RSPRY1: variants seen among roughly 807,000 people sequenced by gnomAD.
The protein encoded by RSPRY1 is ring finger and SPRY domain containing 1.
A neutral mutation model predicts 73.1 loss-of-function variants in RSPRY1; 23 were observed. The observed-to-expected ratio is 0.31, with a 90% CI of 0.23 to 0.45. The LOEUF (loss-of-function observed/expected upper bound fraction) is 0.45. RSPRY1 is among the 20% of genes least tolerant of loss of function. The probability of loss-of-function intolerance (pLI) is 1.00; values close to 1 mark genes in which losing one functional copy is unlikely to be tolerated. For synonymous variants in RSPRY1, 226 were observed against 251.4 expected (o/e 0.90, Z 0.95); for missense variants, 448 against 698.7 (o/e 0.64, Z 4.05).
At chr16:57,238,754 AC>A (rs1485579350) in intron 14 of RSPRY1, 124 bp from the exon 15 acceptor site, 19 of 535,856 alleles carry the variant, frequency 3.5e-5, no homozygotes, top group African/African-American at 2.7e-4. Context: ...TTTTTTTTAA[AC>A]CATGTATAAT....
intron 2 of RSPRY1, chr16:57,207,601 T>C (rs1159257450): frequency 2.2e-6 from 1 of 456,236 alleles, no homozygotes; most frequent in Admixed American, 2.3e-5. Flanking sequence ...AGAAGAAAAC[T>C]TCAAAATGAA....
At chr16:57,209,051 A>C in intron 3 of RSPRY1, 24 bp from the exon 4 acceptor site, 1 of 1,458,274 alleles carries the variant, frequency 6.9e-7, no homozygotes, top group Non-Finnish European at 9.6e-7. Context: ...ACTCCATCAT[A>C]TAATCTTCTT....
At chr16:57,230,857 A>G in intron 12 of RSPRY1, 44 bp downstream of exon 12, 1 of 1,117,420 alleles carries the variant, frequency 8.9e-7, no homozygotes, top group Non-Finnish European at 1.4e-6. Context: ...GATGCACGGA[A>G]TGCCCTTTTC....
intron 1 of RSPRY1, among the ~76,000 whole-genome samples, chr16:57,201,229 T>C (rs1458065727): frequency 4.6e-5 from 7 of 151,496 alleles, no homozygotes; most frequent in Non-Finnish European, 8.8e-5. Context: ...GAGGGGCTCC[T>C]CACTTCTCAG....
Position 57,208,044 on chromosome 16 carries a change from A to ATT in RSPRY1, c.351-6_351-5dup. The ATT allele has an allele frequency of 2.6e-6, 4 of 1,529,202 alleles. No individual in the cohort carries two copies. Among genetic ancestry groups the ATT allele is most frequent in the Non-Finnish European group, 3.6e-6 (4 of 1,120,086 alleles). 94.7% of individuals were successfully genotyped at this position (1,529,202 alleles called of 1,614,324 possible). On this transcript the variant is annotated splice_polypyrimidine_tract_variant and intron_variant, in intron 2 of 14. Transcript: ENST00000394420. The stretch of plus-strand genomic sequence containing the variant: ...TATTTCCTCAGGTTTAATGCCTTGA[A>ATT]TTTTTTTTTCCAGTGATCAGGAACC...
intron 1 of RSPRY1, among the ~76,000 whole-genome samples, chr16:57,195,317 G>T (rs757052336): frequency 1.8e-4 from 27 of 152,074 alleles, no homozygotes; most frequent in Non-Finnish European, 2.8e-4. Flanking sequence ...TTCAAGACCA[G>T]CCTGGTGAAC....
At chr16:57,222,940 CTT>C (rs1424762579) in intron 10 of RSPRY1, among the ~76,000 whole-genome samples, 1 of 152,118 alleles carries the variant, frequency 6.6e-6, no homozygotes, top group Non-Finnish European at 1.5e-5. Flanking sequence ...GAAATTATAA[CTT>C]TTGCCATGTA....
upstream of RSPRY1, chr16:57,186,246 G>C (rs559434380): frequency 7.9e-6 from 7 of 886,770 alleles, no homozygotes; most frequent in Non-Finnish European, 9.5e-6. Flanking sequence ...GTGATTGGCT[G>C]TCAAGGAGAG....
At chr16:57,213,988 A>G in intron 6 of RSPRY1, 42 bp downstream of exon 6, 1 of 1,321,304 alleles carries the variant, frequency 7.6e-7, no homozygotes, top group Non-Finnish European at 1.1e-6. Flanking sequence ...GTCATCTAGA[A>G]GTGGGCATCA....
At chr16:57,213,808 C>A in intron 5 of RSPRY1, 80 bp from the exon 6 acceptor site, 2 of 1,067,020 alleles carry the variant, frequency 1.9e-6, no homozygotes, top group Non-Finnish European at 2.9e-6. Flanking sequence ...AAGAGTTCTA[C>A]CAAAACAATT....
At position 57,208,075 on chromosome 16, in the gene RSPRY1, A is replaced by T. The variant is rs139606229; in HGVS notation, c.368A>T (p.Tyr123Phe). ...TLVDNDQEPP[Y>F]SMITLHEMAE... ...TTTTCCAGTGATCAGGAACCTCCCTATTCAATGATAACATTACACGAAATG... is the reference window on the plus strand; with the variant it reads ...TTTTCCAGTGATCAGGAACCTCCCTTTTCAATGATAACATTACACGAAATG... Residue 123 changes from tyrosine to phenylalanine, a missense_variant, in exon 3 of 15, where the codon TAT becomes TTT. Coordinates refer to ENST00000394420, the MANE Select transcript of RSPRY1 (RefSeq NM_133368.3). 1.6e-5 allele frequency: 26 copies of T among 1,594,782 alleles called. No individual in the cohort carries two copies. The East Asian group carries it at 5.6e-4, about 34-fold the overall frequency.
chr16:57,203,772 T>G (rs1218363828), intron 1 of RSPRY1, among the ~76,000 whole-genome samples: 1 of 152,258 alleles, frequency 6.6e-6, no homozygotes, highest in Non-Finnish European at 1.5e-5. Context: ...CAGGCAAAGA[T>G]AAATTGGTGC....
At chr16:57,238,138 G>A (rs151279718) in intron 14 of RSPRY1, among the ~76,000 whole-genome samples, 6 of 152,184 alleles carry the variant, frequency 3.9e-5, no homozygotes, top group African/African-American at 1.4e-4. Flanking sequence ...GAAATATGTA[G>A]AGCGTATATG....
In RSPRY1 at chr16:57,209,154, A is replaced by G. The variant is rs750879821; in HGVS notation, c.483A>G (p.Thr161=). The G allele has an allele frequency of 2.5e-6, 4 of 1,612,336 alleles. No homozygotes were observed. Among genetic ancestry groups the G allele is most frequent in the Middle Eastern group, 1.7e-4 (1 of 6,058 alleles). The change falls in exon 4 of 15, where the codon ACA becomes ACG. Residue 161 remains threonine, a synonymous_variant. Coordinates refer to ENST00000394420, the MANE Select transcript of RSPRY1 (RefSeq NM_133368.3). ...LEDPLGPAVI[T]LLLDECPLPT... is the part of the protein sequence containing the mutation. Reference sequence around the variant, plus strand: ...ATCCACTGGGACCAGCTGTTATAACATTGTTACTAGATGAATGTCCATTGC... The same window carrying G: ...ATCCACTGGGACCAGCTGTTATAACGTTGTTACTAGATGAATGTCCATTGC...
chr16:57,209,009 G>C (rs945400053), intron 3 of RSPRY1, 66 bp from the exon 4 acceptor site: 1 of 1,063,416 alleles, frequency 9.4e-7, no homozygotes, highest in Non-Finnish European at 1.4e-6. Flanking sequence ...AATTGATCTC[G>C]TGTGACATAT....
intron 3 of RSPRY1, among the ~76,000 whole-genome samples, chr16:57,208,395 TA>T (rs1218197080): frequency 0.3 from 25,397 of 84,878 alleles, 3,885 homozygotes; most frequent in South Asian, 0.37. Flanking sequence ...TATATATATA[TA>T]TATATTTTTT....
intron 2 of RSPRY1, among the ~76,000 whole-genome samples, chr16:57,206,679 C>CA (rs1382523902): frequency 6.6e-6 from 1 of 152,150 alleles, no homozygotes; most frequent in East Asian, 1.9e-4. Flanking sequence ...CCTCCCACCT[C>CA]AGCCTCCTAA....
chr16:57,191,210 A>C (rs1433856308), intron 1 of RSPRY1, among the ~76,000 whole-genome samples: 2 of 152,096 alleles, frequency 1.3e-5, no homozygotes, highest in African/African-American at 4.8e-5. Flanking sequence ...TGTTCCCTTA[A>C]TGCAGTGATT....
rs1475088583 is a variant in RSPRY1 at position 57,202,879 on chromosome 16, TA to T, written c.-155-1624del. The stretch of plus-strand genomic sequence containing the variant: ...TTATATATATTTTATTACATATGAT[TA>T]TATATATATATATATATATATATAT... On this transcript the variant is annotated intron_variant, in intron 1 of 14. Transcript: ENST00000394420. Among the ~76,000 whole-genome samples the T allele has an allele frequency of 2.4e-3, 14 of 5,862 alleles. No homozygotes were observed. In the East Asian group the frequency reaches 0.027, roughly 11 times the overall value. The allele number at this position is 5,862 out of a possible 152,430, so 3.8% of individuals were successfully genotyped here.
Sources: allele counts gnomAD v4.1 joint callset (sites outside exome capture counted in the v4.1 genomes callset), GRCh38; gene constraint gnomAD v4.1.1; transcripts MANE v1.5; gene names NCBI Gene and HGNC (gene_info 2026-07-23, HGNC 2026-07-21).